COL18A1: variants seen among roughly 807,000 people sequenced by gnomAD.
COL18A1 encodes collagen alpha-1(XVIII) chain.
In COL18A1, 133 loss-of-function variants were observed where a neutral mutation model predicts 168.0. That is an observed-to-expected ratio of 0.79 (90% CI 0.69 to 0.91). COL18A1 has a LOEUF of 0.91. COL18A1 is among the 40% of genes least tolerant of loss of function. COL18A1 has a pLI of 0.00. For missense variants in COL18A1, 2,126 were observed against 1,925.4 expected, an observed-to-expected ratio of 1.10 and a Z score of -1.95; for synonymous variants, 949 against 809.0, an observed-to-expected ratio of 1.17 and a Z score of -2.94.
intron 15 of COL18A1, among the ~76,000 whole-genome samples, chr21:45,483,464 C>G (rs1448191926): frequency 6.6e-6 from 1 of 152,092 alleles, no homozygotes; most frequent in Non-Finnish European, 1.5e-5. Flanking sequence ...TTATCTGACA[C>G]CCCCCCAACG....
intron 15 of COL18A1, among the ~76,000 whole-genome samples, chr21:45,485,874 A>C (rs1369619016): frequency 2.0e-5 from 3 of 152,204 alleles, no homozygotes; most frequent in Non-Finnish European, 4.4e-5. Flanking sequence ...TTCCTGCCCC[A>C]TTTGTGGACA....
Position 45,494,558 on chromosome 21 carries a change from T to C in COL18A1, c.2366T>C (p.Phe789Ser). ...TTTTTTGCTCAGGGAGAGCCGGGCT[T>C]CCGAGGACCCCCGGTAAGTCGGTCC... is the stretch of plus-strand genomic sequence containing the variant. ...AQKGAKGEPG[F>S]RGPPGPYGRP... The change falls in exon 27 of 42, where the codon TTC becomes TCC. Residue 789 changes from phenylalanine (F) to serine (S), a missense_variant. Phe to Ser is a radical substitution (Grantham distance 155). Transcript: ENST00000651438. The C allele has an allele frequency of 6.2e-7, 1 of 1,613,334 alleles. No homozygotes were observed. The highest frequency in any genetic ancestry group is 8.5e-7 in the Non-Finnish European group (1 of 1,179,980).
intron 3 of COL18A1, among the ~76,000 whole-genome samples, chr21:45,472,286 C>G (rs900159290): frequency 6.6e-6 from 1 of 151,664 alleles, no homozygotes; most frequent in South Asian, 2.1e-4. Context: ...TGCAGTGGCA[C>G]GATTGCGGCT....
At position 45,509,615 on chromosome 21, in the gene COL18A1, C is replaced by T. The variant is rs191291169; in HGVS notation, c.3495+14C>T. The T allele has an allele frequency of 2.9e-5, 38 of 1,306,318 alleles. No homozygotes were observed. Among genetic ancestry groups the T allele is most frequent in the Non-Finnish European group, 3.4e-5 (32 of 939,576 alleles). 80.9% of individuals were successfully genotyped at this position (1,306,318 alleles called of 1,614,324 possible). The stretch of plus-strand genomic sequence containing the variant: ...TTCCAGCCGGTGGTGAGTGCCCCCC[C>T]AAAGTGGGCTTGGCTCCATCTAGCC... On this transcript the variant is annotated intron_variant, in intron 39 of 41. Coordinates refer to ENST00000651438, the MANE Select transcript of COL18A1 (RefSeq NM_001379500.1).
intron 11 of COL18A1, 87 bp from the exon 12 acceptor site, chr21:45,480,380 A>T (rs1022604132): frequency 1.2e-6 from 2 of 1,611,060 alleles, no homozygotes; most frequent in Non-Finnish European, 8.5e-7. Context: ...AAACAGCTCG[A>T]TATGCAGCTT....
chr21:45,460,914 G>A (rs151111125), intron 2 of COL18A1, among the ~76,000 whole-genome samples: 36 of 152,338 alleles, frequency 2.4e-4, no homozygotes, highest in African/African-American at 8.4e-4. Context: ...GATCTTGTGT[G>A]ATTCTGAACT....
At chr21:45,416,255 C>G (rs1018977090) in intron 2 of COL18A1, among the ~76,000 whole-genome samples, 1 of 152,226 alleles carries the variant, frequency 6.6e-6, no homozygotes, top group African/African-American at 2.4e-5. Flanking sequence ...TAGGGCCGGC[C>G]AGCCTGGATC....
Position 45,497,675 on chromosome 21 carries a change from G to T in COL18A1, c.2683+14G>T. ...CCGGACCACCAGGTGAGCAACTCTGGACATCCCAGGCAGGAGAGCCATGGC... is the reference window on the plus strand; with the variant it reads ...CCGGACCACCAGGTGAGCAACTCTGTACATCCCAGGCAGGAGAGCCATGGC... On this transcript the variant is annotated intron_variant, in intron 32 of 41. Transcript: ENST00000651438. 1 of 1,561,362 alleles carries T rather than the reference G, an allele frequency of 6.4e-7. No individual in the cohort carries two copies. Among genetic ancestry groups the T allele is most frequent in the Non-Finnish European group, 8.7e-7 (1 of 1,153,242 alleles).
Position 45,498,342 on chromosome 21 carries a change from T to TCGCCGC in COL18A1, c.2683+682_2683+683insGCCGCC, listed in dbSNP as rs1250412044. On this transcript the variant is annotated intron_variant, in intron 32 of 41. Coordinates refer to ENST00000651438, the MANE Select transcript of COL18A1 (RefSeq NM_001379500.1). This position sits in a 1 kb window ranked among gnomAD's most constrained non-coding sequence, Gnocchi z 4.5. Reference sequence around the variant, plus strand: ...CCCCTCTCGCCGCCAGGGTCCCCTCTCACCGCCAGGGTTCCCTCTCGCCAC... The same window carrying TCGCCGC: ...CCCCTCTCGCCGCCAGGGTCCCCTCTCGCCGCCACCGCCAGGGTTCCCTCTCGCCAC... The TCGCCGC allele has an allele frequency of 1.6e-6, 1 of 628,714 alleles. No homozygotes were observed. The highest frequency in any genetic ancestry group is 2.1e-5 in the African/African-American group (1 of 47,192). The allele number at this position is 628,714 out of a possible 1,614,324, so 38.9% of individuals were successfully genotyped here. A position where few individuals can be genotyped will look rare whatever the true frequency, so the allele number is the denominator to read the frequency against.
chr21:45,509,919 CCTCAGTGTGTCACTTGCGCGCCTCCCG>C, intron 39 of COL18A1, 118 bp from the exon 40 acceptor site: 1 of 944,368 alleles, frequency 1.1e-6, no homozygotes, highest in Non-Finnish European at 1.6e-6. Flanking sequence ...TGCCTGGGCC[CCTCAGTGTGTCACTTGCGCGCCTCCCG>C]CTCAGCGCCC....
At chr21:45,503,304 C>T (rs2036965166) in intron 32 of COL18A1, among the ~76,000 whole-genome samples, 1 of 152,116 alleles carries the variant, frequency 6.6e-6, no homozygotes, top group South Asian at 2.1e-4. Flanking sequence ...TTTTGATTTG[C>T]ATTTCTCTGA....
chr21:45,433,545 A>C (rs2034022485), intron 2 of COL18A1, among the ~76,000 whole-genome samples: 1 of 152,326 alleles, frequency 6.6e-6, no homozygotes. Context: ...AGGGCCTGCA[A>C]GGAGGCTCCT....
At position 45,477,808 on chromosome 21, in the gene COL18A1, GC is replaced by G. The variant is rs1555860555; in HGVS notation, c.1070del (p.Pro357GlnfsTer16). 2 of 1,550,584 alleles carry G rather than the reference GC, an allele frequency of 1.3e-6. No individual in the cohort carries two copies. The highest frequency in any genetic ancestry group is 1.2e-5 in the South Asian group (1 of 84,108). ...GTTCCGGGCCCACCTGGCCGGGCAG[GC>G]CCCCCAGGATCCCCATGCCTACCTG... ...PGVPGPPGRA[G>X]PPGSPCLPGP... On this transcript the variant is annotated frameshift_variant, in exon 8 of 42. Coordinates refer to ENST00000651438, the MANE Select transcript of COL18A1 (RefSeq NM_001379500.1). LOFTEE classifies it high-confidence loss of function.
rs1007889601 is a variant in COL18A1 at position 45,490,158 on chromosome 21, T to TGA, written c.1960-108_1960-107dup. 9 of 696,520 alleles carry TGA rather than the reference T, an allele frequency of 1.3e-5. No individual in the cohort carries two copies. The East Asian group carries it at 1.6e-4, about 12-fold the overall frequency. The allele number at this position is 696,520 out of a possible 1,614,324, so 43.1% of individuals were successfully genotyped here. On this transcript the variant is annotated intron_variant, in intron 19 of 41. Coordinates refer to ENST00000651438, the MANE Select transcript of COL18A1 (RefSeq NM_001379500.1). ...CAGCCCCTGCTCAGGCCCACAGGGG[T>TGA]GAGAGAGAGAAGTCCAGGCCATCGC...
chr21:45,509,618 A>G lies in COL18A1; in HGVS notation c.3495+17A>G. On this transcript the variant is annotated intron_variant, in intron 39 of 41. Transcript: ENST00000651438. ...CAGCCGGTGGTGAGTGCCCCCCCAAAGTGGGCTTGGCTCCATCTAGCCCCT... is the reference window on the plus strand; with the variant it reads ...CAGCCGGTGGTGAGTGCCCCCCCAAGGTGGGCTTGGCTCCATCTAGCCCCT... 1 of 1,363,938 alleles carries G rather than the reference A, an allele frequency of 7.3e-7. No individual in the cohort carries two copies. The highest frequency in any genetic ancestry group is 1.0e-6 in the Non-Finnish European group (1 of 989,740). 84.5% of individuals were successfully genotyped at this position (1,363,938 alleles called of 1,614,324 possible). A position where few individuals can be genotyped will look rare whatever the true frequency, so the allele number is the denominator to read the frequency against.
At position 45,504,536 on chromosome 21, in the gene COL18A1, C is replaced by T. The variant is rs757436263; in HGVS notation, c.2848C>T (p.Arg950Cys). 23 of 1,577,804 alleles carry T rather than the reference C, an allele frequency of 1.5e-5. No homozygotes were observed. The highest frequency in any genetic ancestry group is 1.8e-5 in the Admixed American group (1 of 54,916). Residue 950 changes from arginine (R) to cysteine (C), a missense_variant, in exon 34 of 42, where the codon CGT becomes TGT. Physicochemically the swap from Arg to Cys is radical, Grantham distance 180. Transcript: ENST00000651438. ...CGGCCCCCCAGGCCCCCCAGGCCCA[C>T]GTGGCTACCCTGGGATTCCAGTAAG... ...PPGPPGPPGP[R>C]GYPGIPGPKG...
chr21:45,410,673 G>C (rs779623856), intron 2 of COL18A1, among the ~76,000 whole-genome samples: 3 of 152,278 alleles, frequency 2.0e-5, no homozygotes, highest in Non-Finnish European at 2.9e-5. Context: ...TCTGTGCTTA[G>C]AGATTGTGAG....
chr21:45,469,217 G>C (rs2035324752), intron 3 of COL18A1, among the ~76,000 whole-genome samples: 1 of 152,362 alleles, frequency 6.6e-6, no homozygotes, highest in East Asian at 1.9e-4. Context: ...CCCGGCCTCT[G>C]ACCGGCCGGT....
intron 29 of COL18A1, 26 bp from the exon 30 acceptor site, chr21:45,496,474 C>T: frequency 9.0e-7 from 1 of 1,107,822 alleles, no homozygotes; most frequent in Non-Finnish European, 1.4e-6. Context: ...GGCCATAAGC[C>T]TAACAGCTCT....
Sources: gnomAD v4.1 joint callset for allele counts (sites outside exome capture counted in the v4.1 genomes callset) on GRCh38, gnomAD v4.1.1 for gene constraint, Gnocchi (gnomAD v3.1) non-coding constraint, MANE v1.5 for transcripts, NCBI Gene and HGNC (gene_info 2026-07-23, HGNC 2026-07-21) for gene names.